Variants in CNTNAP2 observed in about 807,000 individuals in gnomAD.
CNTNAP2 encodes contactin-associated protein-like 2.
A neutral mutation model predicts 155.2 loss-of-function variants in CNTNAP2; 98 were observed. That is an observed-to-expected ratio of 0.63 (90% CI 0.54 to 0.75). The LOEUF (loss-of-function observed/expected upper bound fraction) is 0.75. Ranked by LOEUF, CNTNAP2 falls within the 30% of genes least tolerant of loss-of-function variation. CNTNAP2 has a pLI of 0.00. For missense variants in CNTNAP2, 1,727 were observed against 1,688.1 expected (o/e 1.02, Z -0.40); for synonymous variants, 651 against 631.2 (o/e 1.03, Z -0.47).
intron 15 of CNTNAP2, among the ~76,000 whole-genome samples, chr7:147,980,426 G>A (rs975633823): frequency 6.6e-6 from 1 of 152,126 alleles, no homozygotes; most frequent in Non-Finnish European, 1.5e-5. Context: ...TGTAACTTCA[G>A]AGAAACTCTT....
rs1055620499 is a variant in CNTNAP2, at chr7:147,484,895, A to G, written c.1671-1040A>G. Among the ~76,000 whole-genome samples, 4 of 152,206 alleles carry G rather than the reference A, an allele frequency of 2.6e-5. No individual in the cohort carries two copies. The East Asian group carries it at 5.8e-4, about 22-fold the overall frequency. ...TTCCTGTTTTTGAGAGTTCCCTACT[A>G]AAGTCTAGATGTCCTTTGTGAATAC... On this transcript the variant is annotated intron_variant, in intron 10 of 23. Coordinates refer to ENST00000361727, the MANE Select transcript of CNTNAP2 (RefSeq NM_014141.6).
intron 9 of CNTNAP2, among the ~76,000 whole-genome samples, chr7:147,373,553 A>G (rs941583344): frequency 3.3e-5 from 5 of 152,094 alleles, no homozygotes; most frequent in African/African-American, 4.8e-5. Flanking sequence ...GTATATATTT[A>G]TGAGAACATT....
intron 16 of CNTNAP2, among the ~76,000 whole-genome samples, chr7:148,143,645 C>T (rs1008380698): frequency 6.6e-6 from 1 of 152,198 alleles, no homozygotes; most frequent in Non-Finnish European, 1.5e-5. Context: ...CACTGCCACA[C>T]TGCAGCCTGG....
chr7:146,700,345 T>C (rs902739308), intron 1 of CNTNAP2, among the ~76,000 whole-genome samples: 1 of 152,180 alleles, frequency 6.6e-6, no homozygotes, highest in Non-Finnish European at 1.5e-5. Context: ...GAAAAATTAC[T>C]AATTTTCAGT....
At chr7:146,658,090 C>T (rs544245809) in intron 1 of CNTNAP2, among the ~76,000 whole-genome samples, 5 of 152,020 alleles carry the variant, frequency 3.3e-5, no homozygotes, top group Admixed American at 2.0e-4. Context: ...GGGAACATTC[C>T]GTGTAAGGGG....
At chr7:147,435,800 G>C (rs1200080026) in intron 10 of CNTNAP2, among the ~76,000 whole-genome samples, 4 of 152,122 alleles carry the variant, frequency 2.6e-5, no homozygotes, top group Admixed American at 2.6e-4. Context: ...TTCATCTGTA[G>C]AATAGGAATA....
At chr7:147,019,998 ATGG>A (rs1798791291) in intron 3 of CNTNAP2, among the ~76,000 whole-genome samples, 1 of 60,428 alleles carries the variant, frequency 1.7e-5, no homozygotes, top group African/African-American at 6.3e-5. Context: ...TAGATATAGT[ATGG>A]TATGGTATGG....
chr7:146,718,156 A>T (rs999516117), intron 1 of CNTNAP2, among the ~76,000 whole-genome samples: 4 of 152,198 alleles, frequency 2.6e-5, no homozygotes, highest in African/African-American at 9.6e-5. Flanking sequence ...TACCATACGC[A>T]TAGTTATAAA....
intron 4 of CNTNAP2, among the ~76,000 whole-genome samples, chr7:147,101,709 C>T (rs780880534): frequency 2.6e-4 from 40 of 152,164 alleles, no homozygotes; most frequent in Non-Finnish European, 5.4e-4. Context: ...AACCACCCCA[C>T]GGCCATTCTC....
chr7:147,093,052 C>T (rs933377888), intron 4 of CNTNAP2, among the ~76,000 whole-genome samples: 1 of 140,910 alleles, frequency 7.1e-6, no homozygotes, highest in Non-Finnish European at 1.5e-5. Flanking sequence ...GAAACCCTGT[C>T]TCTACTAAAA....
At chr7:146,769,657 C>T (rs1430255539) in intron 1 of CNTNAP2, among the ~76,000 whole-genome samples, 1 of 152,110 alleles carries the variant, frequency 6.6e-6, no homozygotes, top group African/African-American at 2.4e-5. Context: ...GCATCTGACA[C>T]TCTAATCATT....
intron 2 of CNTNAP2, among the ~76,000 whole-genome samples, chr7:146,781,002 G>C (rs997516935): frequency 2.6e-5 from 4 of 152,084 alleles, no homozygotes; most frequent in Non-Finnish European, 4.4e-5. Flanking sequence ...GCCGAGGCAG[G>C]TGGATCACGA....
intron 3 of CNTNAP2, among the ~76,000 whole-genome samples, chr7:146,883,962 C>A (rs1365968314): frequency 6.6e-6 from 1 of 151,822 alleles, no homozygotes; most frequent in African/African-American, 2.4e-5. Flanking sequence ...TAGTTTATGA[C>A]CTATCTTGGT....
At chr7:147,673,701 A>T (rs1035950422) in intron 13 of CNTNAP2, among the ~76,000 whole-genome samples, 3 of 152,150 alleles carry the variant, frequency 2.0e-5, no homozygotes, top group Non-Finnish European at 4.4e-5. Flanking sequence ...AGTGAATGGG[A>T]AGAATGGCCA....
At chr7:146,259,265 A>G (rs1050034077) in intron 1 of CNTNAP2, among the ~76,000 whole-genome samples, 2 of 152,198 alleles carry the variant, frequency 1.3e-5, no homozygotes, top group Non-Finnish European at 2.9e-5. Flanking sequence ...AGAATTGATT[A>G]ATACAGAGAA....
rs59769790 is a variant in CNTNAP2, at chr7:147,737,906, G to T, written c.2098+98600G>T. Among the ~76,000 whole-genome samples, 1,002 of 152,298 alleles carry T rather than the reference G, an allele frequency of 6.6e-3. 11 individuals carry two copies. The highest frequency in any genetic ancestry group is 0.023 in the African/African-American group (959 of 41,560). On this transcript the variant is annotated intron_variant, in intron 13 of 23. Transcript: ENST00000361727. ...GGGTGGGAGTGACCCGATTTTCCAGGTGCCATTTGTCGCCCCTTCCCTTGG... is the reference window on the plus strand; with the variant it reads ...GGGTGGGAGTGACCCGATTTTCCAGTTGCCATTTGTCGCCCCTTCCCTTGG...
chr7:147,007,495 G>A (rs1248266697), intron 3 of CNTNAP2, among the ~76,000 whole-genome samples: 2 of 151,888 alleles, frequency 1.3e-5, no homozygotes, highest in African/African-American at 4.8e-5. Context: ...TAAGAAAAAA[G>A]CCACCTTTTG....
chr7:146,944,607 G>A (rs373427159), intron 3 of CNTNAP2, among the ~76,000 whole-genome samples: 107 of 152,232 alleles, frequency 7.0e-4, no homozygotes, highest in African/African-American at 2.5e-3. Context: ...GCCCAGGCGC[G>A]GGGGCTCACA....
chr7:148,061,945 A>T (rs909036262), intron 15 of CNTNAP2, among the ~76,000 whole-genome samples: 1 of 134,620 alleles, frequency 7.4e-6, no homozygotes, highest in Non-Finnish European at 1.6e-5. Context: ...AGATAGATAG[A>T]TAAACAGATA....
Sources: gnomAD v4.1 joint callset for allele counts (sites outside exome capture counted in the v4.1 genomes callset) on GRCh38, gnomAD v4.1.1 for gene constraint, MANE v1.5 for transcripts, NCBI Gene and HGNC (gene_info 2026-07-23, HGNC 2026-07-21) for gene names.